Variants in MXRA7 observed in about 807,000 individuals in gnomAD.
The protein encoded by MXRA7 is matrix remodeling associated 7.
A neutral mutation model predicts 17.4 loss-of-function variants in MXRA7; 18 were observed. The observed-to-expected ratio is 1.03, with a 90% CI of 0.71 to 1.53. The LOEUF is 1.53. Ranked by LOEUF, MXRA7 falls within the 40% of genes most tolerant of loss-of-function variation. The pLI is 0.00. For missense variants in MXRA7, 141 were observed against 209.3 expected (o/e 0.67, Z 2.01); for synonymous variants, 70 against 101.7 (o/e 0.69, Z 1.87).
downstream of MXRA7, chr17:76,679,426 T>C (rs1189191931): frequency 5.6e-6 from 1 of 178,424 alleles, no homozygotes; most frequent in African/African-American, 2.4e-5. Flanking sequence ...CCATGGTGAC[T>C]GCATATTTTT....
At chr17:76,708,082 A>C (rs1348218385) in intron 1 of MXRA7, among the ~76,000 whole-genome samples, 1 of 152,186 alleles carries the variant, frequency 6.6e-6, no homozygotes, top group African/African-American at 2.4e-5. Context: ...GTCTCGGCCT[A>C]TAGTAGCCCC....
intron 3 of MXRA7, 38 bp downstream of exon 3, chr17:76,685,034 A>G: frequency 6.4e-7 from 1 of 1,573,436 alleles, no homozygotes; most frequent in Non-Finnish European, 8.7e-7. Flanking sequence ...CCCTCCCCCA[A>G]GAGCCCGCCA....
intron 1 of MXRA7, among the ~76,000 whole-genome samples, chr17:76,697,950 G>A (rs1057457757): frequency 6.6e-6 from 1 of 152,062 alleles, no homozygotes; most frequent in Non-Finnish European, 1.5e-5. Context: ...GGGAGAGAGA[G>A]AGAACACTAA....
chr17:76,677,618 C>T, downstream of MXRA7: 1 of 1,612,868 alleles, frequency 6.2e-7, no homozygotes, highest in Non-Finnish European at 8.5e-7. Context: ...GCTGCTCCTG[C>T]ACGTCGCCGT....
At chr17:76,702,650 G>A (rs1270428719) in intron 1 of MXRA7, among the ~76,000 whole-genome samples, 1 of 151,948 alleles carries the variant, frequency 6.6e-6, no homozygotes, top group African/African-American at 2.4e-5. Context: ...AGGAGTTTGA[G>A]GCCAGCCTGG....
At chr17:76,702,831 G>A (rs1451126611) in intron 1 of MXRA7, among the ~76,000 whole-genome samples, 1 of 73,592 alleles carries the variant, frequency 1.4e-5, no homozygotes. Context: ...CAGCCAGGGT[G>A]ACAGAGCGAG....
chr17:76,689,946 G>A (rs979111108), intron 1 of MXRA7: 1 of 151,334 alleles, frequency 6.6e-6, no homozygotes, highest in African/African-American at 2.4e-5. Context: ...GGGAGGTGGA[G>A]GTTGCAGTAA....
chr17:76,706,489 A>C (rs866847368), intron 1 of MXRA7, among the ~76,000 whole-genome samples: 1 of 145,158 alleles, frequency 6.9e-6, no homozygotes. Flanking sequence ...ACTGCCATCA[A>C]AAAGGACCAC....
At chr17:76,710,572 TG>T in intron 1 of MXRA7, 32 bp downstream of exon 1, 3 of 1,255,938 alleles carry the variant, frequency 2.4e-6, no homozygotes, top group South Asian at 4.9e-5. Context: ...GCCCCGGGGG[TG>T]GGGAGGGGGC....
rs543277932 is a variant in MXRA7 at position 76,683,991 on chromosome 17, C to T, written c.500+1081G>A. The T allele has an allele frequency of 6.9e-4, 871 of 1,269,730 alleles. 10 individuals are homozygous for T. In the South Asian group the frequency reaches 9.0e-3, roughly 13 times the overall value. 78.7% of individuals were successfully genotyped at this position (1,269,730 alleles called of 1,614,324 possible). A position where few individuals can be genotyped will look rare whatever the true frequency, so the allele number is the denominator to read the frequency against. On this transcript the variant is annotated intron_variant, in intron 3 of 3. Coordinates refer to ENST00000449428, the MANE Select transcript of MXRA7 (RefSeq NM_198530.4). ...GCAGCATCCTCAGCACCTGAGGACT[C>T]GGGGCTCCTGCCAGGGCTCTTCCTC... is the stretch of plus-strand genomic sequence containing the variant.
downstream of MXRA7, among the ~76,000 whole-genome samples, chr17:76,678,641 G>A (rs1301701179): frequency 6.6e-6 from 1 of 152,184 alleles, no homozygotes; most frequent in Admixed American, 6.5e-5. Flanking sequence ...CCACATCACA[G>A]TGTCGGACCT....
At position 76,679,584 on chromosome 17, in the gene MXRA7, C is replaced by G; in HGVS notation, c.*1283G>C. ...CACACAGTAATTGAGATCATCTACT[C>G]AAAGTTTATTGGACTGAACAAAGGC... On this transcript the variant is annotated 3_prime_UTR_variant, in exon 4 of 4. Transcript: ENST00000449428. The G allele has an allele frequency of 1.0e-6, 1 of 974,204 alleles. No homozygotes were observed. The highest frequency in any genetic ancestry group is 1.2e-6 in the Non-Finnish European group (1 of 820,456). The allele number at this position is 974,204 out of a possible 1,614,324, so 60.3% of individuals were successfully genotyped here.
intron 1 of MXRA7, among the ~76,000 whole-genome samples, chr17:76,705,729 G>A (rs2076648116): frequency 6.6e-6 from 1 of 152,152 alleles, no homozygotes; most frequent in Admixed American, 6.5e-5. Context: ...GCTGTCTGCA[G>A]GCCAAAAAGA....
At chr17:76,682,223 C>T (rs2076314915) in intron 3 of MXRA7, among the ~76,000 whole-genome samples, 1 of 152,166 alleles carries the variant, frequency 6.6e-6, no homozygotes, top group Non-Finnish European at 1.5e-5. Flanking sequence ...GAACTGGCAA[C>T]CACTAAAGCT....
Position 76,697,041 on chromosome 17 carries a change from T to G in MXRA7, c.343-8865A>C, listed in dbSNP as rs561517782. 2.6e-5 allele frequency among the ~76,000 whole-genome samples: 4 copies of G among 152,304 alleles called. 1 individual carries two copies. The highest frequency in any genetic ancestry group is 9.6e-5 in the African/African-American group (4 of 41,580). ...AGGAGTGTTCAGGCTACTCGGCTCATGGGCTGAACTGTGTTCCACGCCCCA... is the reference window on the plus strand; with the variant it reads ...AGGAGTGTTCAGGCTACTCGGCTCAGGGGCTGAACTGTGTTCCACGCCCCA... On this transcript the variant is annotated intron_variant, in intron 1 of 3. Transcript: ENST00000449428.
chr17:76,677,798 T>G, downstream of MXRA7: 1 of 800,490 alleles, frequency 1.2e-6, no homozygotes, highest in Non-Finnish European at 2.1e-6. Flanking sequence ...GACTCTCCTC[T>G]CTCTTGTGTG....
At chr17:76,696,133 T>C (rs534302688) in intron 1 of MXRA7, among the ~76,000 whole-genome samples, 1 of 151,984 alleles carries the variant, frequency 6.6e-6, no homozygotes, top group East Asian at 1.9e-4. Flanking sequence ...TGTGCAGAAA[T>C]GCAGGGTCTG....
chr17:76,684,709 C>CTG, intron 3 of MXRA7: 4 of 444,246 alleles, frequency 9.0e-6, no homozygotes, highest in East Asian at 6.8e-5. Flanking sequence ...CTGTTGGGGA[C>CTG]TGTGTGTGTG....
intron 1 of MXRA7, among the ~76,000 whole-genome samples, chr17:76,705,403 T>C (rs1237069597): frequency 6.6e-6 from 1 of 152,266 alleles, no homozygotes; most frequent in African/African-American, 2.4e-5. Context: ...CAATATTTTA[T>C]GTTCTACCTT....
Sources: gnomAD v4.1 joint callset for allele counts (sites outside exome capture counted in the v4.1 genomes callset) on GRCh38, gnomAD v4.1.1 for gene constraint, MANE v1.5 for transcripts, NCBI Gene and HGNC (gene_info 2026-07-23, HGNC 2026-07-21) for gene names.